GTF3C3: variants seen among roughly 807,000 people sequenced by gnomAD.
The protein encoded by GTF3C3 is general transcription factor 3C polypeptide 3.
A neutral mutation model predicts 105.2 loss-of-function variants in GTF3C3; 75 were observed. The observed-to-expected ratio is 0.71, with a 90% CI of 0.59 to 0.86. GTF3C3 has a LOEUF of 0.86. GTF3C3 is among the 40% of genes least tolerant of loss of function. GTF3C3 has a pLI of 0.00. For synonymous variants in GTF3C3, 335 were observed against 370.4 expected, an observed-to-expected ratio of 0.90 and a Z score of 1.10; for missense variants, 856 against 1,076.5, an observed-to-expected ratio of 0.80 and a Z score of 2.87.
intron 1 of GTF3C3, among the ~76,000 whole-genome samples, chr2:196,798,534 A>C (rs1457416622): frequency 6.6e-6 from 1 of 151,868 alleles, no homozygotes; most frequent in Non-Finnish European, 1.5e-5. Flanking sequence ...AAAATAAAAT[A>C]AAATAAAATA....
intron 14 of GTF3C3, 118 bp from the exon 15 acceptor site, chr2:196,772,056 A>G: frequency 1.5e-6 from 1 of 656,550 alleles, no homozygotes; most frequent in East Asian, 2.7e-5. Flanking sequence ...TCCAACAAGG[A>G]AAAGCAGATA....
rs752006141 is a variant in GTF3C3, at chr2:196,763,679, A to G, written c.*884T>C. ...ACTAACCCATGTGCACATTAATTAC[A>G]GCATTTATTTTTCCCTAAAAAGTTG... On this transcript the variant is annotated 3_prime_UTR_variant, in exon 18 of 18. Coordinates refer to ENST00000263956, the MANE Select transcript of GTF3C3 (RefSeq NM_012086.5). 4 of 152,210 alleles carry G rather than the reference A, an allele frequency of 2.6e-5. No homozygotes were observed. Among genetic ancestry groups the G allele is most frequent in the Non-Finnish European group, 4.4e-5 (3 of 68,020 alleles). 9.4% of individuals were successfully genotyped at this position (152,210 alleles called of 1,614,324 possible). A position where few individuals can be genotyped will look rare whatever the true frequency, so the allele number is the denominator to read the frequency against.
intron 8 of GTF3C3, among the ~76,000 whole-genome samples, chr2:196,782,913 C>T (rs1392474548): frequency 6.6e-6 from 1 of 152,136 alleles, no homozygotes; most frequent in Non-Finnish European, 1.5e-5. Context: ...TTAACATACA[C>T]TATCTTTTAA....
In GTF3C3 at chr2:196,766,559, C is replaced by T. The variant is rs527768531; in HGVS notation, c.2538+6G>A. ...GAAGTGTCTCAGTTTTAAAAATGCA[C>T]AATACCTCTACCACAAGTGGAGGGA... On this transcript the variant is annotated splice_donor_region_variant and intron_variant, in intron 17 of 17. Transcript: ENST00000263956. 1.9e-6 allele frequency: 3 copies of T among 1,599,452 alleles called. No homozygotes were observed. Among genetic ancestry groups the T allele is most frequent in the South Asian group, 2.2e-5 (2 of 89,120 alleles).
chr2:196,797,993 G>A, intron 1 of GTF3C3, 85 bp from the exon 2 acceptor site: 1 of 801,050 alleles, frequency 1.2e-6, no homozygotes, highest in Non-Finnish European at 2.2e-6. Flanking sequence ...TCTAGTCCTA[G>A]CTTTGCCACT....
At chr2:196,767,190 G>A (rs141637199) in intron 16 of GTF3C3, among the ~76,000 whole-genome samples, 35 of 152,206 alleles carry the variant, frequency 2.3e-4, no homozygotes, top group African/African-American at 7.5e-4. Flanking sequence ...TACTTCTCAG[G>A]ACCTTGATAA....
At chr2:196,771,403 C>T (rs1300538376) in intron 15 of GTF3C3, among the ~76,000 whole-genome samples, 1 of 152,008 alleles carries the variant, frequency 6.6e-6, no homozygotes, top group Admixed American at 6.6e-5. Flanking sequence ...AATTGTTGAC[C>T]GTTAAAATGA....
intron 13 of GTF3C3, among the ~76,000 whole-genome samples, chr2:196,774,172 T>G (rs1699223875): frequency 6.6e-6 from 1 of 152,224 alleles, no homozygotes; most frequent in Non-Finnish European, 1.5e-5. Flanking sequence ...TAAAAAATTT[T>G]ACTGTCTTTG....
intron 17 of GTF3C3, among the ~76,000 whole-genome samples, chr2:196,766,239 CAT>C (rs1297814855): frequency 6.6e-6 from 1 of 151,946 alleles, no homozygotes; most frequent in Non-Finnish European, 1.5e-5. Context: ...TATAAAGAAA[CAT>C]GTGAATTACA....
At chr2:196,774,576 G>C (rs1307588787) in intron 13 of GTF3C3, among the ~76,000 whole-genome samples, 4 of 152,088 alleles carry the variant, frequency 2.6e-5, no homozygotes, top group African/African-American at 7.2e-5. Flanking sequence ...CCTCCAGTGA[G>C]GAATCACTGA....
Position 196,797,798 on chromosome 2 carries a change from T to G in GTF3C3, c.213A>C (p.Glu71Asp). 1 of 1,509,794 alleles carries G rather than the reference T, an allele frequency of 6.6e-7. No homozygotes were observed. Among genetic ancestry groups the G allele is most frequent in the Non-Finnish European group, 9.2e-7 (1 of 1,085,078 alleles). The allele number at this position is 1,509,794 out of a possible 1,614,324, so 93.5% of individuals were successfully genotyped here. The change falls in exon 2 of 18, where the codon GAA (glutamate) becomes GAC (aspartate). Residue 71 changes from glutamate (E) to aspartate (D), a missense_variant and splice_region_variant. By Grantham distance (45) the Glu-to-Asp change is conservative. Around this residue, in one of 3 missense-constraint regions of GTF3C3, gnomAD observed 117 missense variants for 114.0 expected, o/e 1.03. Coordinates refer to ENST00000263956, the MANE Select transcript of GTF3C3 (RefSeq NM_012086.5). The stretch of plus-strand genomic sequence containing the variant: ...AGGAAGCACATAATTTTAACATACC[T>G]TCATTGACATCTTTGTCTTGGGATT... ...STKSQDKDVN[E>D]GETSDGVRKS... is the part of the protein sequence containing the mutation.
intron 15 of GTF3C3, 92 bp from the exon 16 acceptor site, chr2:196,770,131 C>T (rs1699146468): frequency 1.8e-6 from 2 of 1,119,154 alleles, no homozygotes; most frequent in East Asian, 2.8e-5. Context: ...CTGATTTTAA[C>T]ATACATAAGG....
chr2:196,780,764 A>C (rs557463934), intron 8 of GTF3C3, 102 bp from the exon 9 acceptor site: 33 of 1,419,696 alleles, frequency 2.3e-5, no homozygotes, highest in Middle Eastern at 3.7e-4. Context: ...ATGATTCCAC[A>C]GTCAATTCTT....
chr2:196,770,608 T>TA (rs1180695413), intron 15 of GTF3C3, among the ~76,000 whole-genome samples: 1 of 152,234 alleles, frequency 6.6e-6, no homozygotes, highest in Non-Finnish European at 1.5e-5. Context: ...GTATTCCATA[T>TA]ATACAATCAT....
At position 196,789,861 on chromosome 2, in the gene GTF3C3, A is replaced by G; in HGVS notation, c.727+18T>C. ...GTAACAGCTTGTAAAAGTGAAAAAAAAAAAAAATTTTAATTACCTTTTGTA... is the reference window on the plus strand; with the variant it reads ...GTAACAGCTTGTAAAAGTGAAAAAAGAAAAAAATTTTAATTACCTTTTGTA... On this transcript the variant is annotated intron_variant, in intron 5 of 17. Coordinates refer to ENST00000263956, the MANE Select transcript of GTF3C3 (RefSeq NM_012086.5). The G allele has an allele frequency of 1.3e-6, 2 of 1,523,416 alleles. No individual in the cohort carries two copies. The highest frequency in any genetic ancestry group is 1.8e-6 in the Non-Finnish European group (2 of 1,133,908). 94.4% of individuals were successfully genotyped at this position (1,523,416 alleles called of 1,614,324 possible). A position where few individuals can be genotyped will look rare whatever the true frequency, so the allele number is the denominator to read the frequency against.
chr2:196,777,303 TC>T (rs769476068), intron 10 of GTF3C3, among the ~76,000 whole-genome samples: 13 of 152,068 alleles, frequency 8.5e-5, no homozygotes, highest in Non-Finnish European at 1.8e-4. Flanking sequence ...CCTGCCAGGC[TC>T]CCAAGTTTTG....
chr2:196,780,657 C>A lies in GTF3C3; in HGVS notation c.1120G>T (p.Glu374Ter). ...EGTSEENKAP[E>*]NVTCTIPDGV... ...TCAGGTATAGTGCAGGTAACATTCT[C>A]AGGAGCTGGAGAATACACAGACAAG... Residue 374 changes from glutamate to a stop codon, truncating the protein, a stop_gained, in exon 9 of 18, where the codon GAG becomes TAG. Transcript: ENST00000263956. LOFTEE classifies it high-confidence loss of function. 3 of 1,611,294 alleles carry A rather than the reference C, an allele frequency of 1.9e-6. No individual in the cohort carries two copies. Among genetic ancestry groups the A allele is most frequent in the Non-Finnish European group, 2.5e-6 (3 of 1,178,200 alleles).
chr2:196,774,734 G>T (rs2125741767), intron 13 of GTF3C3, among the ~76,000 whole-genome samples: 1 of 152,250 alleles, frequency 6.6e-6, no homozygotes, highest in Non-Finnish European at 1.5e-5. Context: ...GAGTTTCTAT[G>T]ACTATTGCTA....
chr2:196,774,809 A>G (rs1021550220), intron 13 of GTF3C3, among the ~76,000 whole-genome samples: 12 of 152,224 alleles, frequency 7.9e-5, no homozygotes, highest in African/African-American at 2.7e-4. Context: ...CAAATCATCT[A>G]TACTGTCATC....
Sources: allele counts gnomAD v4.1 joint callset (sites outside exome capture counted in the v4.1 genomes callset), GRCh38; gene constraint gnomAD v4.1.1; regional missense constraint gnomAD v4.1.1; transcripts MANE v1.5; gene names NCBI Gene and HGNC (gene_info 2026-07-23, HGNC 2026-07-21).